Variants in PNKP observed in about 807,000 individuals in gnomAD.
The protein encoded by PNKP is polynucleotide kinase 3'-phosphatase.
A neutral mutation model predicts 66.2 loss-of-function variants in PNKP; 82 were observed. That is an observed-to-expected ratio of 1.24 (90% CI 1.04 to 1.49). The LOEUF is 1.49. PNKP is among the 40% of genes most tolerant of loss of function. The pLI is 0.00. For synonymous variants in PNKP, 412 were observed against 298.9 expected (o/e 1.38, Z -3.90); for missense variants, 907 against 706.8 (o/e 1.28, Z -3.21).
intron 2 of PNKP, 157 bp from the exon 3 acceptor site, chr19:49,866,602 G>A: frequency 1.3e-6 from 1 of 742,750 alleles, no homozygotes; most frequent in Non-Finnish European, 2.5e-6. Flanking sequence ...TAGCCAGATA[G>A]TGGCACTAGG....
chr19:49,862,708 C>A lies in PNKP; in HGVS notation c.847G>T (p.Asp283Tyr). Reference sequence around the variant, plus strand: ...CCCTTACCTCCCACAAAGATGCTGTCCCCGATGGATATGGGCGTGCCGTCG... The same window carrying A: ...CCCTTACCTCCCACAAAGATGCTGTACCCGATGGATATGGGCGTGCCGTCG... ...ANDGTPISIGDSIFVGDAAGR... is the reference protein window; with the variant it reads ...ANDGTPISIGYSIFVGDAAGR... The change falls in exon 9 of 17, where the codon GAC becomes TAC. Residue 283 changes from aspartate to tyrosine, a missense_variant. Asp to Tyr is a radical substitution (Grantham distance 160). Transcript: ENST00000322344. 1.2e-6 allele frequency: 2 copies of A among 1,614,132 alleles called. No homozygotes were observed. Among genetic ancestry groups the A allele is most frequent in the Non-Finnish European group, 1.7e-6 (2 of 1,179,990 alleles).
At position 49,867,218 on chromosome 19, in the gene PNKP, C is replaced by A; in HGVS notation, c.-13-1G>T. The A allele has an allele frequency of 1.2e-6, 2 of 1,607,264 alleles. No homozygotes were observed. The highest frequency in any genetic ancestry group is 2.2e-5 in the South Asian group (2 of 90,686). ...CACCTCGCCCATCCTGGGTGCCGGC[C>A]TGGGGAGCAGGTAAACGGGCTTGAG... is the stretch of plus-strand genomic sequence containing the variant. On this transcript the variant is annotated splice_acceptor_variant, in intron 1 of 16. Transcript: ENST00000322344. LOFTEE classifies it low-confidence loss of function (5UTR_SPLICE).
intron 8 of PNKP, among the ~76,000 whole-genome samples, chr19:49,863,341 C>CGCCAGTCTGCCCAT (rs2074793880): frequency 6.6e-6 from 1 of 152,226 alleles, no homozygotes; most frequent in Non-Finnish European, 1.5e-5. Context: ...CTGTTTTACA[C>CGCCAGTCTGCCCAT]GCCAGTCTGC....
rs751307956 is a variant in PNKP, at chr19:49,861,476, A to G, written c.1421T>C (p.Val474Ala). 3 of 1,611,866 alleles carry G rather than the reference A, an allele frequency of 1.9e-6. No individual in the cohort carries two copies. Among genetic ancestry groups the G allele is most frequent in the African/African-American group, 1.3e-5 (1 of 74,504 alleles). The change falls in exon 16 of 17, where the codon GTG becomes GCG. Residue 474 changes from valine to alanine, a missense_variant. Physicochemically the swap from Val to Ala is moderately conservative, Grantham distance 64 (BLOSUM62 0). Coordinates refer to ENST00000322344, the MANE Select transcript of PNKP (RefSeq NM_007254.4). ...GTAGCCATACATGACCATGTCTGAC[A>G]CGGGGATATGAGAGGAGTCCGTCAT... ...REMTDSSHIP[V>A]SDMVMYGYRK...
At chr19:49,863,596 G>C (rs371360612) in intron 8 of PNKP, 93 bp downstream of exon 8, 3 of 863,258 alleles carry the variant, frequency 3.5e-6, no homozygotes, top group South Asian at 1.4e-5. Flanking sequence ...GAGGACAGAG[G>C]AGTAAGGAGG....
chr19:49,867,269 G>A, intron 1 of PNKP, 52 bp from the exon 2 acceptor site: 1 of 1,523,636 alleles, frequency 6.6e-7, no homozygotes, highest in East Asian at 2.4e-5. Flanking sequence ...ATTTGCTGCA[G>A]GAAGTCCCGC....
intron 3 of PNKP, chr19:49,866,185 GAGAC>G (rs2074818376): frequency 1.7e-6 from 1 of 592,366 alleles, no homozygotes; most frequent in Non-Finnish European, 3.0e-6. Flanking sequence ...ATTTTTTAGA[GAGAC>G]AGGTTTCACC....
chr19:49,863,125 G>A (rs920155085), intron 8 of PNKP, among the ~76,000 whole-genome samples: 2 of 152,128 alleles, frequency 1.3e-5, no homozygotes, highest in Non-Finnish European at 2.9e-5. Flanking sequence ...CATGGGCCTC[G>A]CTGTCCCTAA....
Position 49,863,692 on chromosome 19 carries a change from C to T in PNKP, c.813G>A (p.Glu271=). The T allele has an allele frequency of 6.4e-7, 1 of 1,553,420 alleles. No individual in the cohort carries two copies. The highest frequency in any genetic ancestry group is 8.7e-7 in the Non-Finnish European group (1 of 1,147,560). ...CCGGGCAGGCTGCAAGACTCACCTG[C>T]TCCTGCAGATGGTCCCACATGCCCG... is the stretch of plus-strand genomic sequence containing the variant. ...PVTGMWDHLQ[E]QANDGTPISI... Residue 271 remains glutamate (E), a synonymous_variant, in exon 8 of 17, where the codon GAG becomes GAA. Coordinates refer to ENST00000322344, the MANE Select transcript of PNKP (RefSeq NM_007254.4).
rs111470432 is a variant in PNKP at position 49,861,954 on chromosome 19, G to A, written c.1189-73C>T. 66 of 1,582,884 alleles carry A rather than the reference G, an allele frequency of 4.2e-5. No individual in the cohort carries two copies. The African/African-American group carries it at 7.0e-4, about 17-fold the overall frequency. The stretch of plus-strand genomic sequence containing the variant: ...GAAGACCCCGAGCGGGGACGGGGAG[G>A]CAATGATGGAGGAAAGCCGCCCCAA... On this transcript the variant is annotated intron_variant, in intron 13 of 16. Coordinates refer to ENST00000322344, the MANE Select transcript of PNKP (RefSeq NM_007254.4).
Position 49,861,885 on chromosome 19 carries a change from GGGACACGA to G in PNKP, c.1189-12_1189-5del, listed in dbSNP as rs1568659339. ...GCTGCCAGGAGCCTAGCGTGTCCTG[GGGACACGA>G]GAGGTCACAAACAGATCGGCAGACC... On this transcript the variant is annotated splice_polypyrimidine_tract_variant and splice_region_variant and intron_variant, in intron 13 of 16. Coordinates refer to ENST00000322344, the MANE Select transcript of PNKP (RefSeq NM_007254.4). 1 of 1,585,204 alleles carries G rather than the reference GGGACACGA, an allele frequency of 6.3e-7. No individual in the cohort carries two copies. The highest frequency in any genetic ancestry group is 1.8e-5 in the Admixed American group (1 of 56,052).
In PNKP at chr19:49,867,456, G is replaced by A; in HGVS notation, c.-14+13C>T. 1.8e-6 allele frequency: 1 copy of A among 561,122 alleles called. No individual in the cohort carries two copies. Among genetic ancestry groups the A allele is most frequent in the Non-Finnish European group, 3.2e-6 (1 of 313,448 alleles). The allele number at this position is 561,122 out of a possible 1,614,324, so 34.8% of individuals were successfully genotyped here. ...AGAGCCTCGCACATGCCTCCGCCCC[G>A]CCCCGTACTCACCCGGGACCGCGGC... On this transcript the variant is annotated intron_variant, in intron 1 of 16. Coordinates refer to ENST00000322344, the MANE Select transcript of PNKP (RefSeq NM_007254.4).
In PNKP at chr19:49,865,153, C is replaced by A. The variant is rs767190474; in HGVS notation, c.472G>T (p.Ala158Ser). 4 of 1,614,080 alleles carry A rather than the reference C, an allele frequency of 2.5e-6. No individual in the cohort carries two copies. The Admixed American group carries it at 5.0e-5, about 20-fold the overall frequency. The change falls in exon 4 of 17, where the codon GCA (alanine) becomes TCA (serine). Residue 158 changes from alanine to serine, a missense_variant. Transcript: ENST00000322344. ...TTGCCCTGGGGTTTCACCCCAGCTG[C>A]GGTGAACACTAGCAACTTCTCCAAG... ...ENLEKLLVFT[A>S]AGVKPQGKVA...
intron 3 of PNKP, 67 bp from the exon 4 acceptor site, chr19:49,865,493 C>A: frequency 8.2e-7 from 1 of 1,214,696 alleles, no homozygotes; most frequent in South Asian, 1.3e-5. Context: ...CAATCAAATA[C>A]CCAGCGGAAA....
chr19:49,861,231 G>A lies in PNKP; in HGVS notation c.*17C>T, dbSNP rs374836478. ...AAGGAGAAACAGCGTTTATTGTGGAGGGGAGCTGGGCGGGGCTCAGCCCTC... is the reference window on the plus strand; with the variant it reads ...AAGGAGAAACAGCGTTTATTGTGGAAGGGAGCTGGGCGGGGCTCAGCCCTC... On this transcript the variant is annotated 3_prime_UTR_variant, in exon 17 of 17. Coordinates refer to ENST00000322344, the MANE Select transcript of PNKP (RefSeq NM_007254.4). 1.1e-5 allele frequency: 17 copies of A among 1,499,344 alleles called. No homozygotes were observed. In the African/African-American group the frequency reaches 1.9e-4, roughly 17 times the overall value. 92.9% of individuals were successfully genotyped at this position (1,499,344 alleles called of 1,614,324 possible).
chr19:49,861,772 C>T lies in PNKP; in HGVS notation c.1298G>A (p.Arg433Lys). Reference sequence around the variant, plus strand: ...ACCTACGGCCCCGCGGTCACGCTACCTGGCGCGGCTCGCGGCGTCTGGGTT... The same window carrying T: ...ACCTACGGCCCCGCGGTCACGCTACTTGGCGCGGCTCGCGGCGTCTGGGTT... ...NTNPDAASRA[R>K]YVQCARAAGV... The change falls in exon 14 of 17, where the codon AGG becomes AAG. Residue 433 changes from arginine (R) to lysine (K), a missense_variant and splice_region_variant. Transcript: ENST00000322344. 1 of 1,569,814 alleles carries T rather than the reference C, an allele frequency of 6.4e-7. No individual in the cohort carries two copies. The highest frequency in any genetic ancestry group is 8.6e-7 in the Non-Finnish European group (1 of 1,158,406).
At chr19:49,866,266 C>G in intron 3 of PNKP, 133 bp downstream of exon 3, 1 of 860,160 alleles carries the variant, frequency 1.2e-6, no homozygotes. Flanking sequence ...TCCCAAAGTG[C>G]TGGGATTACA....
At chr19:49,862,149 G>T (rs201743589) in intron 12 of PNKP, 36 bp downstream of exon 12, 622 of 1,613,668 alleles carry the variant, frequency 3.9e-4, no homozygotes, top group Non-Finnish European at 3.2e-4. Flanking sequence ...GACCCAGGCG[G>T]GGCTCAGGGC....
rs763573850 is a variant in PNKP, at chr19:49,862,530, G to A, written c.936+8C>T. 2.7e-5 allele frequency: 43 copies of A among 1,607,590 alleles called. No individual in the cohort carries two copies. The highest frequency in any genetic ancestry group is 3.5e-5 in the Non-Finnish European group (41 of 1,176,950). The stretch of plus-strand genomic sequence containing the variant: ...GCTCGGGCGCGGGGCAGGGGGCAGG[G>A]GCCTCACCAGGCGATCGGCGCAGGA... On this transcript the variant is annotated splice_region_variant and intron_variant, in intron 10 of 16. Coordinates refer to ENST00000322344, the MANE Select transcript of PNKP (RefSeq NM_007254.4).
Sources: gnomAD v4.1 joint callset for allele counts (sites outside exome capture counted in the v4.1 genomes callset) on GRCh38, gnomAD v4.1.1 for gene constraint, MANE v1.5 for transcripts, NCBI Gene and HGNC (gene_info 2026-07-23, HGNC 2026-07-21) for gene names.